Variants in CA10 observed in about 807,000 individuals in gnomAD.
CA10 encodes the protein carbonic anhydrase 10 (inactive), also known as carbonic anhydrase-related protein 10.
Under a neutral mutation model 44.2 loss-of-function variants are expected in CA10, and 14 were observed. That is an observed-to-expected ratio of 0.32 (90% confidence interval 0.21 to 0.50). The LOEUF (loss-of-function observed/expected upper bound fraction) is 0.50. Ranked by LOEUF, CA10 falls within the 20% of genes least tolerant of loss-of-function variation. The pLI is 0.99. For synonymous variants in CA10, 159 were observed against 141.6 expected (o/e 1.12, Z -0.87); for missense variants, 350 against 409.7 (o/e 0.85, Z 1.26).
intron 4 of CA10, among the ~76,000 whole-genome samples, chr17:51,659,087 C>T (rs1331050800): frequency 6.6e-6 from 1 of 152,054 alleles, no homozygotes; most frequent in Non-Finnish European, 1.5e-5. Flanking sequence ...TCTGGGTGTG[C>T]CTGTGAGGGT....
At chr17:52,152,134 C>G (rs1042380727) in intron 1 of CA10, among the ~76,000 whole-genome samples, 3 of 152,198 alleles carry the variant, frequency 2.0e-5, no homozygotes, top group African/African-American at 7.2e-5. Context: ...TCCAACTCAA[C>G]TGTCTACAAT....
intron 2 of CA10, among the ~76,000 whole-genome samples, chr17:52,024,938 T>A (rs1986253149): frequency 6.6e-6 from 1 of 151,784 alleles, no homozygotes; most frequent in Non-Finnish European, 1.5e-5. Context: ...AGAAAGAGGA[T>A]ATCATATATA....
chr17:51,715,344 A>T (rs1232365125), intron 4 of CA10, among the ~76,000 whole-genome samples: 1 of 152,046 alleles, frequency 6.6e-6, no homozygotes, highest in East Asian at 1.9e-4. Flanking sequence ...GTACCCTAAA[A>T]CTTAAAATAT....
At chr17:52,099,908 A>G (rs1988497045) in intron 1 of CA10, among the ~76,000 whole-genome samples, 1 of 152,186 alleles carries the variant, frequency 6.6e-6, no homozygotes, top group South Asian at 2.1e-4. Flanking sequence ...AACAAGGGAA[A>G]ACCCTCTAGA....
intron 2 of CA10, among the ~76,000 whole-genome samples, chr17:52,008,365 G>T (rs1440148827): frequency 6.6e-6 from 1 of 151,696 alleles, no homozygotes; most frequent in African/African-American, 2.4e-5. Context: ...AAAAACATAA[G>T]AACTATTTTT....
chr17:51,873,662 T>C (rs1261378263), intron 3 of CA10, among the ~76,000 whole-genome samples: 2 of 152,198 alleles, frequency 1.3e-5, no homozygotes, highest in African/African-American at 4.8e-5. Flanking sequence ...CTAGTGTCCA[T>C]GACTGGCCAT....
intron 4 of CA10, among the ~76,000 whole-genome samples, chr17:51,702,291 T>TC (rs1436366499): frequency 6.6e-6 from 1 of 152,120 alleles, no homozygotes. Flanking sequence ...CTGTGACTAC[T>TC]CAGCTAGCTG....
intron 4 of CA10, among the ~76,000 whole-genome samples, chr17:51,697,234 G>T (rs935098005): frequency 6.6e-6 from 1 of 152,104 alleles, no homozygotes; most frequent in Non-Finnish European, 1.5e-5. Context: ...TAGCTTCATG[G>T]TGAGGATTAA....
intron 7 of CA10, among the ~76,000 whole-genome samples, chr17:51,634,289 C>G (rs10514985): frequency 0.096 from 14,663 of 152,186 alleles, 767 homozygotes; most frequent in South Asian, 0.25. Flanking sequence ...TCTAAGATGC[C>G]CTCGTAGCTC....
intron 1 of CA10, among the ~76,000 whole-genome samples, chr17:52,085,728 T>C (rs550800470): frequency 1.3e-5 from 2 of 152,342 alleles, no homozygotes; most frequent in South Asian, 4.1e-4. Flanking sequence ...CCTGTCAGAA[T>C]AGGTGCCCTG....
At chr17:51,754,400 G>GATATATATATAT (rs56145404) in intron 3 of CA10, among the ~76,000 whole-genome samples, 22 of 73,092 alleles carry the variant, frequency 3.0e-4, no homozygotes, top group East Asian at 3.8e-4. Context: ...GTGTGTGTGT[G>GATATATATATAT]ATATATATAT....
chr17:51,845,440 G>T (rs1978450502), intron 3 of CA10, among the ~76,000 whole-genome samples: 1 of 152,166 alleles, frequency 6.6e-6, no homozygotes, highest in Non-Finnish European at 1.5e-5. Flanking sequence ...CTTGAAAGTA[G>T]ACCTTACTTT....
chr17:51,653,798 G>T lies in CA10; in HGVS notation c.466-62C>A, dbSNP rs868585458. The T allele has an allele frequency of 1.6e-5, 15 of 936,164 alleles. No homozygotes were observed. In the Middle Eastern group the frequency reaches 3.0e-3, roughly 184 times the overall value. 58.0% of individuals were successfully genotyped at this position (936,164 alleles called of 1,614,324 possible). On this transcript the variant is annotated intron_variant, in intron 4 of 8. Coordinates refer to ENST00000451037, the MANE Select transcript of CA10 (RefSeq NM_020178.5). ...CCAACATTAAAAGGTATGAGGCATA[G>T]CACCTGCCCCTACATAAGGGTGAAC...
chr17:51,700,385 G>C (rs1337720952), intron 4 of CA10, among the ~76,000 whole-genome samples: 1 of 152,168 alleles, frequency 6.6e-6, no homozygotes, highest in Non-Finnish European at 1.5e-5. Context: ...GGCAATGGCT[G>C]ACAAGACCCC....
chr17:51,928,722 T>G (rs1320433527), intron 3 of CA10, among the ~76,000 whole-genome samples: 1 of 152,150 alleles, frequency 6.6e-6, no homozygotes, highest in East Asian at 1.9e-4. Flanking sequence ...TCAAATCGAT[T>G]AAGTTGGGTA....
chr17:51,826,373 C>T (rs915972314), intron 3 of CA10, among the ~76,000 whole-genome samples: 2 of 152,164 alleles, frequency 1.3e-5, no homozygotes, highest in African/African-American at 2.4e-5. Flanking sequence ...CCAGCTCCAA[C>T]GTGAGGAAAG....
At chr17:51,802,804 T>C (rs994756479) in intron 3 of CA10, among the ~76,000 whole-genome samples, 1 of 152,116 alleles carries the variant, frequency 6.6e-6, no homozygotes, top group African/African-American at 2.4e-5. Context: ...AGCCATGATA[T>C]CTAACAGCCA....
intron 4 of CA10, among the ~76,000 whole-genome samples, chr17:51,722,808 A>G (rs867947165): frequency 2.7e-4 from 41 of 152,202 alleles, no homozygotes; most frequent in African/African-American, 9.6e-4. Flanking sequence ...CCTCCATTTT[A>G]TGAAGGGAAA....
intron 3 of CA10, among the ~76,000 whole-genome samples, chr17:51,811,053 G>T (rs4793723): frequency 9.9e-5 from 15 of 152,066 alleles, no homozygotes; most frequent in Admixed American, 8.5e-4. Flanking sequence ...AAAATTAGCC[G>T]GGCATGGTGG....
Sources: allele counts gnomAD v4.1 joint callset (sites outside exome capture counted in the v4.1 genomes callset), GRCh38; gene constraint gnomAD v4.1.1; transcripts MANE v1.5; gene names NCBI Gene and HGNC (gene_info 2026-07-23, HGNC 2026-07-21).